Variants in HPSE2 observed in about 807,000 individuals in gnomAD.
The protein encoded by HPSE2 is inactive heparanase-2.
In HPSE2, 38 loss-of-function variants were observed where a neutral mutation model predicts 60.5. That is an observed-to-expected ratio of 0.63 (90% CI 0.48 to 0.82). The LOEUF is 0.82. Among genes scored for constraint, HPSE2 ranks in the 40% least tolerant of loss-of-function variants. HPSE2 has a pLI of 0.00. For missense variants in HPSE2, 713 were observed against 740.4 expected (o/e 0.96, Z 0.43); for synonymous variants, 295 against 293.2 (o/e 1.01, Z -0.06).
intron 3 of HPSE2, among the ~76,000 whole-genome samples, chr10:99,081,887 G>T (rs1974362): frequency 0.17 from 25,595 of 152,134 alleles, 2,931 homozygotes; most frequent in African/African-American, 0.32. Context: ...CCGCCCGCCT[G>T]GGCCTCCCAA....
intron 9 of HPSE2, among the ~76,000 whole-genome samples, chr10:98,497,649 G>T (rs1256598679): frequency 2.6e-5 from 4 of 151,840 alleles, no homozygotes; most frequent in African/African-American, 9.7e-5. Flanking sequence ...ATATTTTCAG[G>T]GTGCATGCAA....
intron 3 of HPSE2, among the ~76,000 whole-genome samples, chr10:98,939,247 T>C (rs1280254888): frequency 2.1e-5 from 3 of 143,732 alleles, no homozygotes; most frequent in Non-Finnish European, 4.5e-5. Flanking sequence ...TTAACTTTAA[T>C]TGTAAATGGA....
chr10:99,201,635 A>G (rs950084645), intron 2 of HPSE2, among the ~76,000 whole-genome samples: 1 of 152,158 alleles, frequency 6.6e-6, no homozygotes, highest in African/African-American at 2.4e-5. Flanking sequence ...AATTTGCCCA[A>G]TGACACATTA....
At chr10:98,973,230 G>T (rs1956002486) in intron 3 of HPSE2, among the ~76,000 whole-genome samples, 1 of 152,218 alleles carries the variant, frequency 6.6e-6, no homozygotes. Context: ...CCCTTTCCAA[G>T]AAAGCCATCA....
chr10:98,726,252 T>TA (rs970595284), intron 4 of HPSE2, among the ~76,000 whole-genome samples: 1 of 152,010 alleles, frequency 6.6e-6, no homozygotes, highest in African/African-American at 2.4e-5. Flanking sequence ...CCAACAATGA[T>TA]AGAGTGGATT....
At chr10:98,544,520 C>A (rs969490872) in intron 9 of HPSE2, among the ~76,000 whole-genome samples, 12 of 151,914 alleles carry the variant, frequency 7.9e-5, no homozygotes, top group Middle Eastern at 3.4e-3. Flanking sequence ...ACCATCCTGG[C>A]TAACACAGTG....
chr10:99,311,813 T>C, the HPSE2 span, among the ~76,000 whole-genome samples: 412 of 152,338 alleles, frequency 2.7e-3, 2 homozygotes, highest in Middle Eastern at 0.02. Flanking sequence ...GGCCGAAAGC[T>C]AGGCATCTTG....
the HPSE2 span, among the ~76,000 whole-genome samples, chr10:99,309,336 G>A: frequency 2.0e-4 from 31 of 152,132 alleles, 1 homozygote; most frequent in Admixed American, 3.9e-4. Flanking sequence ...TTTATATTAT[G>A]TGGAATATAT....
At chr10:99,077,025 T>C (rs1320724649) in intron 3 of HPSE2, among the ~76,000 whole-genome samples, 2 of 152,210 alleles carry the variant, frequency 1.3e-5, no homozygotes, top group African/African-American at 4.8e-5. Context: ...ACTTTGAATA[T>C]ATCATCCCTT....
intron 9 of HPSE2, among the ~76,000 whole-genome samples, chr10:98,525,214 T>C (rs1354546922): frequency 6.6e-6 from 1 of 152,214 alleles, no homozygotes; most frequent in East Asian, 1.9e-4. Context: ...TTTCACTATG[T>C]TGCCCAGTCT....
chr10:98,867,245 T>G (rs923763103), intron 3 of HPSE2, among the ~76,000 whole-genome samples: 1 of 151,870 alleles, frequency 6.6e-6, no homozygotes. Flanking sequence ...ACTACCCATC[T>G]GACAAGGGAT....
chr10:99,011,675 G>A (rs768276855), intron 3 of HPSE2, among the ~76,000 whole-genome samples: 11 of 140,712 alleles, frequency 7.8e-5, no homozygotes, highest in Middle Eastern at 4.2e-3. Context: ...AGAATTGCTT[G>A]AACCCAAGAG....
chr10:99,007,755 CAG>C (rs1003482787), intron 3 of HPSE2, among the ~76,000 whole-genome samples: 1 of 152,184 alleles, frequency 6.6e-6, no homozygotes, highest in Non-Finnish European at 1.5e-5. Flanking sequence ...AAAACAGAAA[CAG>C]ATGACAAAAT....
At chr10:99,066,282 T>C (rs1842614662) in intron 3 of HPSE2, among the ~76,000 whole-genome samples, 1 of 152,144 alleles carries the variant, frequency 6.6e-6, no homozygotes, top group African/African-American at 2.4e-5. Context: ...TAGAGGGACA[T>C]TTATAGTTTT....
intron 3 of HPSE2, among the ~76,000 whole-genome samples, chr10:98,909,475 A>T (rs1953919851): frequency 6.6e-6 from 1 of 151,716 alleles, no homozygotes; most frequent in South Asian, 2.1e-4. Flanking sequence ...CTAAAGATAG[A>T]AAAAATTAGC....
intron 11 of HPSE2, among the ~76,000 whole-genome samples, chr10:98,460,633 T>C (rs1940248412): frequency 6.6e-6 from 1 of 152,126 alleles, no homozygotes; most frequent in Non-Finnish European, 1.5e-5. Flanking sequence ...AAAATGAGTT[T>C]TCATATTTAA....
At chr10:99,264,078 CTTTTCTTTTTCT>C in the HPSE2 span, among the ~76,000 whole-genome samples, 2 of 151,878 alleles carry the variant, frequency 1.3e-5, no homozygotes, top group Non-Finnish European at 2.9e-5. Context: ...AGTTTCTTTT[CTTTTCTTTTTCT>C]TTTTCTTTTT....
intron 9 of HPSE2, among the ~76,000 whole-genome samples, chr10:98,604,803 A>G (rs1945529883): frequency 6.6e-6 from 1 of 152,210 alleles, no homozygotes. Context: ...TGAATCAGAA[A>G]ACTTCAGAGC....
chr10:99,105,060 A>G (rs1177080327), intron 3 of HPSE2, among the ~76,000 whole-genome samples: 1 of 91,820 alleles, frequency 1.1e-5, no homozygotes, highest in Non-Finnish European at 2.5e-5. Context: ...TTAAAATATA[A>G]TAAAAAAAAA....
Sources: gnomAD v4.1 joint callset for allele counts (sites outside exome capture counted in the v4.1 genomes callset) on GRCh38, gnomAD v4.1.1 for gene constraint, MANE v1.5 for transcripts, NCBI Gene and HGNC (gene_info 2026-07-23, HGNC 2026-07-21) for gene names.